ROS1: variants seen among roughly 807,000 people sequenced by gnomAD.
The protein encoded by ROS1 is proto-oncogene tyrosine-protein kinase ROS.
Under a neutral mutation model 273.5 loss-of-function variants are expected in ROS1, and 263 were observed. That is an observed-to-expected ratio of 0.96 (90% confidence interval 0.87 to 1.06). ROS1 has a LOEUF of 1.06. Ranked by LOEUF, ROS1 falls within the 50% of genes least tolerant of loss-of-function variation. The pLI is 0.00. For synonymous variants in ROS1, 1,008 were observed against 954.1 expected (o/e 1.06, Z -1.04); for missense variants, 2,833 against 2,751.1 (o/e 1.03, Z -0.67).
At position 117,311,177 on chromosome 6, in the gene ROS1, A is replaced by G. The variant is rs962032772; in HGVS notation, c.6118-60T>C. ...TCTAGTTTGCATGAAATATATACAT[A>G]TATGTGTGAATATAAGTGGATACAT... On this transcript the variant is annotated intron_variant, in intron 39 of 43. Coordinates refer to ENST00000368507, the MANE Select transcript of ROS1 (RefSeq NM_001378902.1). 3.3e-6 allele frequency: 3 copies of G among 914,502 alleles called. No individual in the cohort carries two copies. In the African/African-American group the frequency reaches 5.0e-5, roughly 15 times the overall value. The allele number at this position is 914,502 out of a possible 1,614,324, so 56.6% of individuals were successfully genotyped here. A position where few individuals can be genotyped will look rare whatever the true frequency, so the allele number is the denominator to read the frequency against.
chr6:117,341,101 T>C (rs986710443), intron 31 of ROS1, 34 bp downstream of exon 31: 2 of 1,429,866 alleles, frequency 1.4e-6, no homozygotes, highest in East Asian at 2.3e-5. Context: ...ATTTATTCTA[T>C]ATCATAAAAT....
rs749246490 is a variant in ROS1 at position 117,310,153 on chromosome 6, C to A, written c.6344G>T (p.Gly2115Val). 1 of 1,611,418 alleles carries A rather than the reference C, an allele frequency of 6.2e-7. No homozygotes were observed. Among genetic ancestry groups the A allele is most frequent in the Non-Finnish European group, 8.5e-7 (1 of 1,177,906 alleles). The change falls in exon 41 of 44, where the codon GGC becomes GTC. Residue 2115 changes from glycine (G) to valine (V), a missense_variant. Coordinates refer to ENST00000368507, the MANE Select transcript of ROS1 (RefSeq NM_001378902.1). ...KNDYYRKRGE[G>V]LLPVRWMAPE... ...AGCCATCCACCGAACTGGGAGCAGG[C>A]CTTCCCCTCTCTTTCTATAGTAATC... is the stretch of plus-strand genomic sequence containing the variant.
At chr6:117,380,957 TC>T (rs1448322053) in intron 17 of ROS1, among the ~76,000 whole-genome samples, 3 of 152,152 alleles carry the variant, frequency 2.0e-5, no homozygotes, top group Non-Finnish European at 4.4e-5. Flanking sequence ...TTTCATTATG[TC>T]GGCTGATTGC....
chr6:117,334,763 T>C (rs1777341681), intron 32 of ROS1, among the ~76,000 whole-genome samples: 1 of 152,148 alleles, frequency 6.6e-6, no homozygotes, highest in African/African-American at 2.4e-5. Flanking sequence ...ATTTAGTAAA[T>C]GGTGCTGGGA....
At chr6:117,401,457 A>G (rs1773924904) in intron 7 of ROS1, among the ~76,000 whole-genome samples, 1 of 152,184 alleles carries the variant, frequency 6.6e-6, no homozygotes, top group Non-Finnish European at 1.5e-5. Flanking sequence ...AAAATCTATC[A>G]TCATACAATT....
chr6:117,387,942 C>A lies in ROS1; in HGVS notation c.1837G>T (p.Asp613Tyr), dbSNP rs1438145481. 1 of 1,614,148 alleles carries A rather than the reference C, an allele frequency of 6.2e-7. No homozygotes were observed. Among genetic ancestry groups the A allele is most frequent in the Non-Finnish European group, 8.5e-7 (1 of 1,180,010 alleles). The change falls in exon 14 of 44, where the codon GAC becomes TAC. Residue 613 changes from aspartate (D) to tyrosine (Y), a missense_variant. By Grantham distance (160) the Asp-to-Tyr change is radical (BLOSUM62 -3). Coordinates refer to ENST00000368507, the MANE Select transcript of ROS1 (RefSeq NM_001378902.1). Reference sequence around the variant, plus strand: ...AAAATATGAGTGACTTCAGGAGGGTCTTGGGTGGATACTTTCACCTCATAG... The same window carrying A: ...AAAATATGAGTGACTTCAGGAGGGTATTGGGTGGATACTTTCACCTCATAG... ...WTYEVKVSTQ[D>Y]PPEVTHIFLN...
At position 117,323,345 on chromosome 6, in the gene ROS1, T is replaced by C. The variant is rs188098508; in HGVS notation, c.5623+987A>G. On this transcript the variant is annotated intron_variant, in intron 35 of 43. Coordinates refer to ENST00000368507, the MANE Select transcript of ROS1 (RefSeq NM_001378902.1). ...TTAGAACACAGTAAAGTGTTGGCTG[T>C]CTTTATCCTGAGAGTTCAACTTTAT... 2.8e-3 allele frequency among the ~76,000 whole-genome samples: 429 copies of C among 152,296 alleles called. 1 individual carries two copies. Among genetic ancestry groups the C allele is most frequent in the African/African-American group, 9.3e-3 (388 of 41,574 alleles).
Position 117,306,785 on chromosome 6 carries a change from C to T in ROS1, c.6551+2009G>A, listed in dbSNP as rs189735773. 2.9e-3 allele frequency among the ~76,000 whole-genome samples: 441 copies of T among 152,268 alleles called. 1 individual carries two copies. Among genetic ancestry groups the T allele is most frequent in the African/African-American group, 0.01 (425 of 41,564 alleles). On this transcript the variant is annotated intron_variant, in intron 42 of 43. Coordinates refer to ENST00000368507, the MANE Select transcript of ROS1 (RefSeq NM_001378902.1). ...GAGTAGTTAATCTTTATCATGACAA[C>T]TTAAGGCCATGGCCAGATTGAATGG...
At position 117,365,745 on chromosome 6, in the gene ROS1, C is replaced by T. The variant is rs1368370864; in HGVS notation, c.2798-4G>A. On this transcript the variant is annotated splice_region_variant and splice_polypyrimidine_tract_variant and intron_variant, in intron 19 of 43. Transcript: ENST00000368507. ...TTAGGGGTAAAGGAAAAGTTCCCTA[C>T]AGGATGAAACAAAAAAAAGAAATAG... is the stretch of plus-strand genomic sequence containing the variant. The T allele has an allele frequency of 6.5e-7, 1 of 1,533,320 alleles. No individual in the cohort carries two copies. The highest frequency in any genetic ancestry group is 1.4e-5 in the African/African-American group (1 of 71,478). The allele number at this position is 1,533,320 out of a possible 1,614,324, so 95.0% of individuals were successfully genotyped here.
At chr6:117,311,734 TAA>T (rs1412676959) in intron 39 of ROS1, among the ~76,000 whole-genome samples, 3 of 152,124 alleles carry the variant, frequency 2.0e-5, no homozygotes, top group Non-Finnish European at 4.4e-5. Context: ...TCCTCTCATC[TAA>T]GAGAGTGAGT....
intron 39 of ROS1, among the ~76,000 whole-genome samples, chr6:117,311,353 T>C (rs891302592): frequency 2.6e-5 from 4 of 152,248 alleles, no homozygotes; most frequent in South Asian, 2.1e-4. Context: ...AGAGGCAATA[T>C]GGAATCTTTA....
chr6:117,394,840 C>T, intron 9 of ROS1, 102 bp from the exon 10 acceptor site: 1 of 1,044,146 alleles, frequency 9.6e-7, no homozygotes, highest in Non-Finnish European at 1.3e-6. Context: ...GGGACTAGTG[C>T]TTGAAAGAGG....
intron 11 of ROS1, among the ~76,000 whole-genome samples, 176 bp downstream of exon 11, chr6:117,393,986 A>G (rs1353794022): frequency 6.6e-6 from 1 of 152,212 alleles, no homozygotes; most frequent in Non-Finnish European, 1.5e-5. Context: ...GCACTAGGTA[A>G]AGGCTACACC....
Position 117,359,699 on chromosome 6 carries a change from T to C in ROS1, c.3633+110A>G, listed in dbSNP as rs1300982948. 35 of 853,584 alleles carry C rather than the reference T, an allele frequency of 4.1e-5. No homozygotes were observed. The South Asian group carries it at 5.6e-4, about 14-fold the overall frequency. The allele number at this position is 853,584 out of a possible 1,614,324, so 52.9% of individuals were successfully genotyped here. On this transcript the variant is annotated intron_variant, in intron 24 of 43. Transcript: ENST00000368507. Reference sequence around the variant, plus strand: ...AATAATTATACAATATCTGTCCTTTTCATTCTAATCTTAATGACTAAACCG... The same window carrying C: ...AATAATTATACAATATCTGTCCTTTCCATTCTAATCTTAATGACTAAACCG...
chr6:117,391,783 C>T (rs1773090756), intron 12 of ROS1, among the ~76,000 whole-genome samples: 1 of 152,120 alleles, frequency 6.6e-6, no homozygotes, highest in Non-Finnish European at 1.5e-5. Context: ...CGCAAAACAG[C>T]TGTATAATCT....
chr6:117,350,046 AACTTTT>A (rs200697005), intron 27 of ROS1, among the ~76,000 whole-genome samples: 2,725 of 148,458 alleles, frequency 0.018, 74 homozygotes, highest in African/African-American at 0.06. Context: ...GAAAAAGAAA[AACTTTT>A]ACTTTACTTT....
intron 3 of ROS1, among the ~76,000 whole-genome samples, chr6:117,415,583 A>T (rs1332606322): frequency 6.6e-6 from 1 of 152,208 alleles, no homozygotes; most frequent in Non-Finnish European, 1.5e-5. Context: ...TATTATCCTA[A>T]AATGGATGAA....
chr6:117,367,451 C>A (rs76616366), intron 18 of ROS1, among the ~76,000 whole-genome samples: 460 of 152,328 alleles, frequency 3.0e-3, no homozygotes, highest in Admixed American at 7.3e-3. Flanking sequence ...CTGACACTGG[C>A]CTGTGTGGGC....
chr6:117,409,105 C>T (rs1479068137), intron 5 of ROS1, among the ~76,000 whole-genome samples: 1 of 151,626 alleles, frequency 6.6e-6, no homozygotes, highest in African/African-American at 2.4e-5. Flanking sequence ...AGGAGATACA[C>T]CTAATGTTAA....
Sources: allele counts gnomAD v4.1 joint callset (sites outside exome capture counted in the v4.1 genomes callset), GRCh38; gene constraint gnomAD v4.1.1; transcripts MANE v1.5; gene names NCBI Gene and HGNC (gene_info 2026-07-23, HGNC 2026-07-21).